The following KRAS variants were observed in gnomAD, a reference collection of about 807,000 sequenced individuals.
KRAS encodes GTPase KRas.
A neutral mutation model predicts 21.0 loss-of-function variants in KRAS; 1 was observed. The ratio of observed to expected loss-of-function variants is 0.05; its 90% CI spans 0.02 to 0.23. The LOEUF is 0.23. Ranked by LOEUF, KRAS falls within the 10% of genes least tolerant of loss-of-function variation. KRAS has a pLI of 1.00. For missense variants in KRAS, 107 were observed against 221.8 expected (o/e 0.48, Z 3.29); for synonymous variants, 67 against 72.5 (o/e 0.92, Z 0.39).
intron 1 of KRAS, among the ~76,000 whole-genome samples, chr12:25,246,208 C>T (rs1471668158): frequency 3.3e-5 from 5 of 150,720 alleles, no homozygotes; most frequent in Admixed American, 2.0e-4. Context: ...AAGAGAACTC[C>T]GAATTAACTG....
chr12:25,245,992 G>C (rs777936076), intron 1 of KRAS, among the ~76,000 whole-genome samples: 1 of 152,006 alleles, frequency 6.6e-6, no homozygotes, highest in Non-Finnish European at 1.5e-5. Context: ...TTGTGTCATG[G>C]GGAAATAAAA....
At chr12:25,215,091 T>TAAAAAAA (rs775121370) in intron 4 of KRAS, 2 of 87,788 alleles carry the variant, frequency 2.3e-5, no homozygotes, top group Non-Finnish European at 3.7e-5. Context: ...TTCTCCCTAC[T>TAAAAAAA]AAAAAAAAAA....
chr12:25,244,293 G>C (rs1294865858), intron 2 of KRAS, among the ~76,000 whole-genome samples: 1 of 152,024 alleles, frequency 6.6e-6, no homozygotes, highest in Non-Finnish European at 1.5e-5. Context: ...AAAGTATTAG[G>C]ACTGCTTAAC....
intron 2 of KRAS, among the ~76,000 whole-genome samples, chr12:25,233,528 C>G (rs1313261950): frequency 6.6e-6 from 1 of 152,124 alleles, no homozygotes; most frequent in Non-Finnish European, 1.5e-5. Flanking sequence ...TAGGTTAGAT[C>G]ATGTCATTCA....
At chr12:25,235,667 AG>A (rs1159137615) in intron 2 of KRAS, among the ~76,000 whole-genome samples, 1 of 152,164 alleles carries the variant, frequency 6.6e-6, no homozygotes, top group African/African-American at 2.4e-5. Context: ...AAAGACGGGG[AG>A]GGGAAGGACA....
intron 2 of KRAS, among the ~76,000 whole-genome samples, chr12:25,242,710 C>A (rs1177309272): frequency 6.6e-6 from 1 of 152,118 alleles, no homozygotes; most frequent in African/African-American, 2.4e-5. Flanking sequence ...GGTATACTTA[C>A]AAATCTGAAT....
intron 2 of KRAS, among the ~76,000 whole-genome samples, chr12:25,239,768 C>A (rs1420825098): frequency 2.0e-5 from 3 of 152,082 alleles, no homozygotes; most frequent in Admixed American, 6.6e-5. Flanking sequence ...GCCTGGCCAA[C>A]ATGGTGAAAC....
Position 25,231,023 on chromosome 12 carries a change from C to T in KRAS, c.112-3611G>A, listed in dbSNP as rs115083450. 1.7e-3 allele frequency among the ~76,000 whole-genome samples: 255 copies of T among 151,870 alleles called. 1 individual carries two copies. The highest frequency in any genetic ancestry group is 5.9e-3 in the African/African-American group (246 of 41,380). On this transcript the variant is annotated intron_variant, in intron 2 of 4. Coordinates refer to ENST00000311936, the MANE Select transcript of KRAS (RefSeq NM_004985.5). ...CAGAGTCTTAGAGTCAACCCATTAC[C>T]CAGGCATGGCTACAGAGCATGTAAA...
At chr12:25,219,036 T>C (rs1442209961) in intron 4 of KRAS, among the ~76,000 whole-genome samples, 2 of 151,910 alleles carry the variant, frequency 1.3e-5, no homozygotes, top group African/African-American at 4.8e-5. Context: ...ACCTCCGGGT[T>C]CAAGCGATTC....
chr12:25,209,107 T>C lies in KRAS; in HGVS notation c.*688A>G. On this transcript the variant is annotated 3_prime_UTR_variant, in exon 5 of 5. Coordinates refer to ENST00000311936, the MANE Select transcript of KRAS (RefSeq NM_004985.5). The stretch of plus-strand genomic sequence containing the variant: ...AACAGGAAAAGCTATTAGGAGTCTT[T>C]ATAGTAATTTATCTAATGTGAAAAG... 1 of 507,654 alleles carries C rather than the reference T, an allele frequency of 2.0e-6. No homozygotes were observed. The highest frequency in any genetic ancestry group is 3.5e-6 in the Non-Finnish European group (1 of 289,206). 31.4% of individuals were successfully genotyped at this position (507,654 alleles called of 1,614,324 possible).
intron 2 of KRAS, among the ~76,000 whole-genome samples, chr12:25,238,508 A>G (rs1418210622): frequency 2.0e-5 from 3 of 152,238 alleles, no homozygotes; most frequent in Admixed American, 1.3e-4. Flanking sequence ...AAAAATAAGC[A>G]TGAAATAATC....
At chr12:25,229,966 G>A (rs1189249678) in intron 2 of KRAS, among the ~76,000 whole-genome samples, 1 of 151,888 alleles carries the variant, frequency 6.6e-6, no homozygotes, top group Non-Finnish European at 1.5e-5. Context: ...TAGAGATGGG[G>A]TTTCACCATG....
At chr12:25,210,712 C>G (rs1951192440) in intron 4 of KRAS, 1 of 152,120 alleles carries the variant, frequency 6.6e-6, no homozygotes, top group Non-Finnish European at 1.5e-5. Flanking sequence ...AAAAGCTTGC[C>G]ATATAAAGCC....
intron 4 of KRAS, among the ~76,000 whole-genome samples, chr12:25,223,081 T>C (rs1951348549): frequency 6.6e-6 from 1 of 152,188 alleles, no homozygotes; most frequent in Non-Finnish European, 1.5e-5. Context: ...TTTGTATGCA[T>C]AAGAAAATAT....
Position 25,223,435 on chromosome 12 carries a change from G to T in KRAS, c.450+2179C>A, listed in dbSNP as rs575715965. Among the ~76,000 whole-genome samples the T allele has an allele frequency of 1.7e-4, 26 of 152,136 alleles. No individual in the cohort carries two copies. The East Asian group carries it at 4.1e-3, about 24-fold the overall frequency. On this transcript the variant is annotated intron_variant, in intron 4 of 4. Transcript: ENST00000311936. ...AAAAACAAAAACCAAGCCTCTTCCT[G>T]GTCTTTGGAACCTGGAAATGGATTT...
At chr12:25,218,941 T>G (rs915867581) in intron 4 of KRAS, among the ~76,000 whole-genome samples, 8 of 112,084 alleles carry the variant, frequency 7.1e-5, no homozygotes, top group African/African-American at 2.0e-4. Context: ...CTTTTTCTTT[T>G]TTTGTTTTTT....
chr12:25,221,495 C>A (rs1951325467), intron 4 of KRAS, among the ~76,000 whole-genome samples: 1 of 152,076 alleles, frequency 6.6e-6, no homozygotes, highest in Non-Finnish European at 1.5e-5. Context: ...CGGCTTCCCA[C>A]CTCATTTCTG....
intron 4 of KRAS, among the ~76,000 whole-genome samples, chr12:25,212,817 G>A (rs11047895): frequency 0.49 from 74,634 of 151,722 alleles, 19,272 homozygotes; most frequent in East Asian, 0.8. Context: ...TAAACTCCTG[G>A]CCTCAAGCAG....
chr12:25,211,872 T>G (rs1212543885), intron 4 of KRAS, among the ~76,000 whole-genome samples: 1 of 152,230 alleles, frequency 6.6e-6, no homozygotes, highest in East Asian at 1.9e-4. Flanking sequence ...CTCACTGATG[T>G]TTCCCACTCT....
Sources: allele counts gnomAD v4.1 joint callset (sites outside exome capture counted in the v4.1 genomes callset), GRCh38; gene constraint gnomAD v4.1.1; transcripts MANE v1.5; gene names NCBI Gene and HGNC (gene_info 2026-07-23, HGNC 2026-07-21).